Variants in PPP1R16A observed in about 807,000 individuals in gnomAD.
PPP1R16A encodes the protein myosin phosphatase-targeting subunit 3.
A neutral mutation model predicts 46.6 loss-of-function variants in PPP1R16A; 39 were observed. That is an observed-to-expected ratio of 0.84 (90% confidence interval 0.65 to 1.09). PPP1R16A has a LOEUF of 1.09. Ranked by LOEUF, PPP1R16A falls within the 50% of genes least tolerant of loss-of-function variation. The probability of loss-of-function intolerance (pLI) is 0.00; values close to 1 mark genes in which losing one functional copy is unlikely to be tolerated. For missense variants in PPP1R16A, 798 were observed against 735.6 expected (o/e 1.08, Z -0.98); for synonymous variants, 413 against 321.5 (o/e 1.28, Z -3.04).
chr8:144,500,410 G>C lies in PPP1R16A; in HGVS notation c.705+19G>C. The C allele has an allele frequency of 6.6e-7, 1 of 1,518,084 alleles. No homozygotes were observed. Among genetic ancestry groups the C allele is most frequent in the Non-Finnish European group, 8.8e-7 (1 of 1,137,138 alleles). The allele number at this position is 1,518,084 out of a possible 1,614,324, so 94.0% of individuals were successfully genotyped here. On this transcript the variant is annotated intron_variant, in intron 7 of 11. Coordinates refer to ENST00000435887, the MANE Select transcript of PPP1R16A (RefSeq NM_001329443.2). The stretch of plus-strand genomic sequence containing the variant: ...CACGCTGGTGAGGGCTGGGGGGTGA[G>C]GGGCACACGGGGCTGGGGGCCTCGC...
intron 8 of PPP1R16A, 25 bp from the exon 9 acceptor site, chr8:144,500,661 T>G (rs1307565924): frequency 4.4e-6 from 7 of 1,607,682 alleles, no homozygotes; most frequent in Non-Finnish European, 5.9e-6. Flanking sequence ...CGCAGCAGTC[T>G]GCAGCTCCGG....
chr8:144,485,523 C>CT (rs1421553326), intron 1 of PPP1R16A, among the ~76,000 whole-genome samples: 2 of 104,056 alleles, frequency 1.9e-5, no homozygotes, highest in African/African-American at 7.4e-5. Context: ...CACTCCATCT[C>CT]GGGAAAAAAA....
At chr8:144,483,183 CAT>C (rs371290586) in intron 1 of PPP1R16A, among the ~76,000 whole-genome samples, 3 of 152,266 alleles carry the variant, frequency 2.0e-5, no homozygotes, top group African/African-American at 7.2e-5. Context: ...ACGATGTTCA[CAT>C]GTCAGTCTTT....
Position 144,497,034 on chromosome 8 carries a change from T to G in PPP1R16A, c.-161T>G. 4.3e-6 allele frequency: 4 copies of G among 938,684 alleles called. 1 individual carries two copies. The Middle Eastern group carries it at 1.0e-3, about 238-fold the overall frequency. 58.1% of individuals were successfully genotyped at this position (938,684 alleles called of 1,614,324 possible). A position where few individuals can be genotyped will look rare whatever the true frequency, so the allele number is the denominator to read the frequency against. On this transcript the variant is annotated 5_prime_UTR_variant, in exon 3 of 12. In the 5' UTR this introduces an upstream ATG that the reference lacks. Transcript: ENST00000435887. Reference sequence around the variant, plus strand: ...CCCAGGGCTGCCTGGGCCTGGTTATTGTGTGGGGCCTCCTGACCCAGCCAA... The same window carrying G: ...CCCAGGGCTGCCTGGGCCTGGTTATGGTGTGGGGCCTCCTGACCCAGCCAA...
Position 144,498,998 on chromosome 8 carries a change from G to A in PPP1R16A, c.413G>A (p.Trp138Ter). 4 of 1,608,828 alleles carry A rather than the reference G, an allele frequency of 2.5e-6. No individual in the cohort carries two copies. The highest frequency in any genetic ancestry group is 2.5e-6 in the Non-Finnish European group (3 of 1,177,586). ...ATCAATGCCTGTGACAGTGAGTGCTGGACGCCTCTGCATGCTGCGGCCACC... is the reference window on the plus strand; with the variant it reads ...ATCAATGCCTGTGACAGTGAGTGCTAGACGCCTCTGCATGCTGCGGCCACC... The part of the protein sequence containing the change: ...ANINACDSEC[W>*]TPLHAAATCG... The change falls in exon 5 of 12, where the codon TGG (tryptophan) becomes TAG (stop). Residue 138 changes from tryptophan (W) to a stop codon, truncating the protein, a stop_gained. Transcript: ENST00000435887. LOFTEE classifies it high-confidence loss of function.
Position 144,497,008 on chromosome 8 carries a change from C to G in PPP1R16A, c.-187C>G, listed in dbSNP as rs1201999466. ...TGCCCTCCCTGCCCCGGCCCATGCC[C>G]CCCAGGGCTGCCTGGGCCTGGTTAT... On this transcript the variant is annotated 5_prime_UTR_variant, in exon 3 of 12. Coordinates refer to ENST00000435887, the MANE Select transcript of PPP1R16A (RefSeq NM_001329443.2). 2.7e-6 allele frequency: 2 copies of G among 754,716 alleles called. No homozygotes were observed. Among genetic ancestry groups the G allele is most frequent in the Non-Finnish European group, 4.2e-6 (2 of 472,352 alleles). The allele number at this position is 754,716 out of a possible 1,614,324, so 46.8% of individuals were successfully genotyped here. A position where few individuals can be genotyped will look rare whatever the true frequency, so the allele number is the denominator to read the frequency against.
chr8:144,490,931 C>T (rs887246078), intron 2 of PPP1R16A, among the ~76,000 whole-genome samples: 13 of 152,130 alleles, frequency 8.5e-5, no homozygotes, highest in East Asian at 3.9e-4. Context: ...GGTGTGGTGG[C>T]GTGCACCTCC....
rs1226565517 is a variant in PPP1R16A at position 144,500,166 on chromosome 8, C to T, written c.547C>T (p.Leu183=). The change falls in exon 6 of 12, where the codon CTG becomes TTG. Residue 183 remains leucine, a synonymous_variant. Transcript: ENST00000435887. ...PYDLCDDEQT[L]DCLETAMADR... is the part of the protein sequence containing the mutation. ...TGACCTGTGTGATGATGAGCAGACG[C>T]TGGACTGCCTGGAGACTGCCATGGC... The T allele has an allele frequency of 6.2e-7, 1 of 1,611,528 alleles. No individual in the cohort carries two copies.
At chr8:144,487,439 G>A (rs1207737420) in intron 1 of PPP1R16A, among the ~76,000 whole-genome samples, 5 of 151,942 alleles carry the variant, frequency 3.3e-5, no homozygotes, top group African/African-American at 1.2e-4. Context: ...TGTTGATTTC[G>A]GCTCACTGCA....
chr8:144,482,499 CT>C (rs958027176), intron 1 of PPP1R16A, among the ~76,000 whole-genome samples: 4 of 151,876 alleles, frequency 2.6e-5, no homozygotes, highest in Admixed American at 2.6e-4. Context: ...GCAGTTCTCC[CT>C]GCCTCAACCT....
chr8:144,481,334 G>C (rs1167661515), intron 1 of PPP1R16A, among the ~76,000 whole-genome samples: 1 of 152,036 alleles, frequency 6.6e-6, no homozygotes. Context: ...CTGTAGGTTT[G>C]GCGTCCCTTT....
Position 144,500,295 on chromosome 8 carries a change from C to T in PPP1R16A, c.609C>T (p.Ala203=), listed in dbSNP as rs1243043194. ...RGITQDSIEA[A]RAVPELRMLD... ...TCACCCAGGACAGCATCGAGGCCGC[C>T]CGGGCCGTGCCAGAACTGCGCATGC... Residue 203 remains alanine (A), a synonymous_variant, in exon 7 of 12, where the codon GCC becomes GCT. Coordinates refer to ENST00000435887, the MANE Select transcript of PPP1R16A (RefSeq NM_001329443.2). 1 of 1,545,282 alleles carries T rather than the reference C, an allele frequency of 6.5e-7. No individual in the cohort carries two copies. Among genetic ancestry groups the T allele is most frequent in the East Asian group, 2.4e-5 (1 of 40,942 alleles).
intron 2 of PPP1R16A, among the ~76,000 whole-genome samples, chr8:144,495,102 A>G (rs1825995238): frequency 6.6e-6 from 1 of 152,222 alleles, no homozygotes; most frequent in Non-Finnish European, 1.5e-5. Flanking sequence ...GCAGAAAGCC[A>G]GGTCAGGGCC....
chr8:144,501,504 C>T lies in PPP1R16A; in HGVS notation c.1204-16C>T, dbSNP rs1437259109. The stretch of plus-strand genomic sequence containing the variant: ...GAGGAGCCTCCTGATGGCTCTGGGA[C>T]CTTCACTGCCCGCAGGAGGACAACC... On this transcript the variant is annotated splice_polypyrimidine_tract_variant and intron_variant, in intron 11 of 11. Coordinates refer to ENST00000435887, the MANE Select transcript of PPP1R16A (RefSeq NM_001329443.2). 1.3e-6 allele frequency: 2 copies of T among 1,525,430 alleles called. No individual in the cohort carries two copies. Among genetic ancestry groups the T allele is most frequent in the African/African-American group, 2.8e-5 (2 of 72,670 alleles). The allele number at this position is 1,525,430 out of a possible 1,614,324, so 94.5% of individuals were successfully genotyped here.
chr8:144,489,512 C>T (rs1023912343), intron 1 of PPP1R16A, among the ~76,000 whole-genome samples: 1 of 152,138 alleles, frequency 6.6e-6, no homozygotes, highest in African/African-American at 2.4e-5. Context: ...CCCTAAACTG[C>T]TGCTTCCTTG....
At position 144,502,013 on chromosome 8, in the gene PPP1R16A, G is replaced by A; in HGVS notation, c.*110G>A. On this transcript the variant is annotated 3_prime_UTR_variant, in exon 12 of 12. Transcript: ENST00000435887. ...CAGCACGGAAACCCCGGCTTCTACT[G>A]TACAGGACACTGGCCCCTCTCAGGT... is the stretch of plus-strand genomic sequence containing the variant. 1 of 1,137,746 alleles carries A rather than the reference G, an allele frequency of 8.8e-7. No homozygotes were observed. The allele number at this position is 1,137,746 out of a possible 1,614,324, so 70.5% of individuals were successfully genotyped here. A position where few individuals can be genotyped will look rare whatever the true frequency, so the allele number is the denominator to read the frequency against.
chr8:144,491,647 C>T (rs1825813712), intron 2 of PPP1R16A, among the ~76,000 whole-genome samples: 1 of 151,946 alleles, frequency 6.6e-6, no homozygotes, highest in South Asian at 2.1e-4. Flanking sequence ...CCTGTAGTTC[C>T]AGCTACTCGG....
chr8:144,498,743 T>C (rs1323015119), intron 3 of PPP1R16A, 27 bp from the exon 4 acceptor site: 3 of 1,556,854 alleles, frequency 1.9e-6, no homozygotes, highest in African/African-American at 2.7e-5. Context: ...GGCAGGACCC[T>C]GTCCTCACCT....
rs1826489811 is a variant in PPP1R16A at position 144,501,641 on chromosome 8, C to T, written c.1325C>T (p.Thr442Ile). 6.2e-7 allele frequency: 1 copy of T among 1,611,036 alleles called. No individual in the cohort carries two copies. Among genetic ancestry groups the T allele is most frequent in the Non-Finnish European group, 8.5e-7 (1 of 1,179,076 alleles). Residue 442 changes from threonine (T) to isoleucine (I), a missense_variant, in exon 12 of 12, where the codon ACC (threonine) becomes ATC (isoleucine). Transcript: ENST00000435887. ...VSYQLSPLDSTTPHTLVHDKA... is the reference protein window; with the variant it reads ...VSYQLSPLDSITPHTLVHDKA... ...TACCAGCTGAGCCCCCTGGACAGCA[C>T]CACCCCCCACACCCTGGTCCACGAC...
Sources: gnomAD v4.1 joint callset for allele counts (sites outside exome capture counted in the v4.1 genomes callset) on GRCh38, gnomAD v4.1.1 for gene constraint, MANE v1.5 for transcripts, NCBI Gene and HGNC (gene_info 2026-07-23, HGNC 2026-07-21) for gene names.